Variants in GRIN2A observed in about 807,000 individuals in gnomAD.
The protein encoded by GRIN2A is glutamate receptor ionotropic, NMDA 2A.
Under a neutral mutation model 113.4 loss-of-function variants are expected in GRIN2A, and 22 were observed. The ratio of observed to expected loss-of-function variants is 0.19; its 90% CI spans 0.14 to 0.28. GRIN2A has a LOEUF of 0.28. GRIN2A is among the 10% of genes least tolerant of loss of function. The pLI is 1.00. For synonymous variants in GRIN2A, 827 were observed against 738.4 expected, an observed-to-expected ratio of 1.12 and a Z score of -1.94; for missense variants, 1,502 against 1,887.0, an observed-to-expected ratio of 0.80 and a Z score of 3.78.
intron 11 of GRIN2A, 52 bp downstream of exon 11, chr16:9,798,225 G>T: frequency 6.9e-7 from 1 of 1,448,564 alleles, no homozygotes; most frequent in Non-Finnish European, 9.7e-7. Context: ...CAAACAAAGC[G>T]AGTGTGAGGG....
chr16:10,068,990 C>T (rs1037343640), intron 2 of GRIN2A, among the ~76,000 whole-genome samples: 7 of 152,124 alleles, frequency 4.6e-5, no homozygotes, highest in African/African-American at 1.2e-4. Flanking sequence ...TGGTGGGGAG[C>T]AGGTGGCAAG....
chr16:9,845,739 G>A (rs542264718), intron 5 of GRIN2A, among the ~76,000 whole-genome samples: 1 of 152,292 alleles, frequency 6.6e-6, no homozygotes, highest in South Asian at 2.1e-4. Context: ...TTCTCATCCT[G>A]TATATATCAC....
chr16:9,761,322 T>C lies in GRIN2A; in HGVS notation c.*1827A>G, dbSNP rs1337334833. 1 of 228,790 alleles carries C rather than the reference T, an allele frequency of 4.4e-6. No homozygotes were observed. The allele number at this position is 228,790 out of a possible 1,614,324, so 14.2% of individuals were successfully genotyped here. A position where few individuals can be genotyped will look rare whatever the true frequency, so the allele number is the denominator to read the frequency against. The stretch of plus-strand genomic sequence containing the variant: ...ACCATGAGGAGAAGAAATGGGATAA[T>C]TTTTCAACCTGCCACTTTATCCCTT... On this transcript the variant is annotated 3_prime_UTR_variant, in exon 13 of 13. Coordinates refer to ENST00000330684, the MANE Select transcript of GRIN2A (RefSeq NM_001134407.3).
intron 12 of GRIN2A, among the ~76,000 whole-genome samples, chr16:9,767,078 T>C (rs1410073879): frequency 6.6e-6 from 1 of 152,206 alleles, no homozygotes; most frequent in African/African-American, 2.4e-5. Context: ...CCAGAATCAT[T>C]TGGATATGAA....
At chr16:9,938,622 C>T (rs1315955183) in intron 2 of GRIN2A, 71 bp from the exon 3 acceptor site, 1 of 1,066,896 alleles carries the variant, frequency 9.4e-7, no homozygotes, top group East Asian at 2.4e-5. Context: ...AAACTGCGTC[C>T]TAGAAGTAAG....
chr16:9,779,212 C>T (rs951400410), intron 11 of GRIN2A, among the ~76,000 whole-genome samples: 1 of 152,230 alleles, frequency 6.6e-6, no homozygotes, highest in African/African-American at 2.4e-5. Context: ...GAGTTCTTAT[C>T]TCTGGCCAGG....
chr16:10,080,886 C>T (rs574268041), intron 2 of GRIN2A, among the ~76,000 whole-genome samples: 5 of 152,294 alleles, frequency 3.3e-5, no homozygotes, highest in Non-Finnish European at 5.9e-5. Context: ...ACCCTCCAAG[C>T]TCAGGTAGCC....
chr16:9,935,561 C>T (rs1347951785), intron 3 of GRIN2A, among the ~76,000 whole-genome samples: 2 of 149,828 alleles, frequency 1.3e-5, no homozygotes, highest in Non-Finnish European at 3.0e-5. Context: ...CACACACACT[C>T]CTCCAGCCCC....
chr16:9,941,975 A>T (rs982085217), intron 2 of GRIN2A, among the ~76,000 whole-genome samples: 1 of 152,084 alleles, frequency 6.6e-6, no homozygotes, highest in Admixed American at 6.5e-5. Context: ...TTACCTCTGC[A>T]CTCTGCTGTT....
chr16:10,014,058 C>T (rs1392974691), intron 2 of GRIN2A, among the ~76,000 whole-genome samples: 1 of 152,152 alleles, frequency 6.6e-6, no homozygotes, highest in Non-Finnish European at 1.5e-5. Flanking sequence ...TGCCTGTGTC[C>T]CCGTCTAGAT....
chr16:9,879,918 A>T (rs1453604789), intron 4 of GRIN2A, among the ~76,000 whole-genome samples: 1 of 152,220 alleles, frequency 6.6e-6, no homozygotes, highest in Non-Finnish European at 1.5e-5. Context: ...TAAGTGCCAT[A>T]ACCTATCATT....
intron 2 of GRIN2A, among the ~76,000 whole-genome samples, chr16:10,002,968 G>C (rs2046346369): frequency 6.6e-6 from 1 of 152,166 alleles, no homozygotes; most frequent in Non-Finnish European, 1.5e-5. Flanking sequence ...TCAGTACTTT[G>C]TAAAATGGAA....
chr16:9,873,254 A>T lies in GRIN2A; in HGVS notation c.1122+17732T>A, dbSNP rs72782002. Among the ~76,000 whole-genome samples the T allele has an allele frequency of 8.1e-4, 123 of 152,290 alleles. 1 individual carries two copies. The highest frequency in any genetic ancestry group is 2.3e-3 in the South Asian group (11 of 4,828). ...CTACTTAATGGATACAATGTATGTT[A>T]TTTGTGAGAGGGATACTCAAAAAGC... On this transcript the variant is annotated intron_variant, in intron 4 of 12. Transcript: ENST00000330684.
In GRIN2A at chr16:9,945,965, C is replaced by G. The variant is rs142816513; in HGVS notation, c.415-7414G>C. ...CACCCAGAGCCAAGTTTCCCACTAT[C>G]AAGTCCACAATGCCAGAGGAAAGAA... On this transcript the variant is annotated intron_variant, in intron 2 of 12. Coordinates refer to ENST00000330684, the MANE Select transcript of GRIN2A (RefSeq NM_001134407.3). Among the ~76,000 whole-genome samples, 469 of 152,294 alleles carry G rather than the reference C, an allele frequency of 3.1e-3. 4 individuals carry two copies. The highest frequency in any genetic ancestry group is 0.011 in the African/African-American group (445 of 41,562).
At chr16:10,097,452 T>C (rs1476353677) in intron 2 of GRIN2A, among the ~76,000 whole-genome samples, 1 of 152,148 alleles carries the variant, frequency 6.6e-6, no homozygotes, top group Non-Finnish European at 1.5e-5. Flanking sequence ...CATGATCTCA[T>C]CTATGAAGCA....
intron 3 of GRIN2A, among the ~76,000 whole-genome samples, chr16:9,917,941 T>C (rs1488185340): frequency 1.3e-5 from 2 of 152,232 alleles, no homozygotes; most frequent in African/African-American, 4.8e-5. Context: ...AATTAAGCTA[T>C]GCAAAGCAAT....
intron 2 of GRIN2A, among the ~76,000 whole-genome samples, chr16:10,050,481 T>C (rs1229533484): frequency 2.0e-5 from 3 of 151,920 alleles, no homozygotes; most frequent in Non-Finnish European, 4.4e-5. Flanking sequence ...ACCAACCCTA[T>C]TGTGAACTGC....
At chr16:9,846,995 T>G (rs1247030952) in intron 5 of GRIN2A, among the ~76,000 whole-genome samples, 1 of 152,182 alleles carries the variant, frequency 6.6e-6, no homozygotes, top group Non-Finnish European at 1.5e-5. Context: ...CAATGCCAGC[T>G]CTTTCTTCAA....
At chr16:9,956,089 C>A (rs904485433) in intron 2 of GRIN2A, among the ~76,000 whole-genome samples, 1 of 152,160 alleles carries the variant, frequency 6.6e-6, no homozygotes, top group Non-Finnish European at 1.5e-5. Flanking sequence ...ATCAGCCCCT[C>A]CTAGCTGCTA....
Sources: allele counts gnomAD v4.1 joint callset (sites outside exome capture counted in the v4.1 genomes callset), GRCh38; gene constraint gnomAD v4.1.1; transcripts MANE v1.5; gene names NCBI Gene and HGNC (gene_info 2026-07-23, HGNC 2026-07-21).